The following AIG1 variants were observed in gnomAD, a reference collection of about 807,000 sequenced individuals.
AIG1 encodes the protein androgen induced 1.
In AIG1, 23 loss-of-function variants were observed where a neutral mutation model predicts 31.4. That is an observed-to-expected ratio of 0.73 (90% confidence interval 0.53 to 1.04). The LOEUF (loss-of-function observed/expected upper bound fraction) is 1.04. Ranked by LOEUF, AIG1 falls within the 50% of genes least tolerant of loss-of-function variation. AIG1 has a pLI of 0.00. For missense variants in AIG1, 274 were observed against 295.0 expected (o/e 0.93, Z 0.52); for synonymous variants, 100 against 110.5 (o/e 0.90, Z 0.60).
chr6:143,284,283 G>C lies in AIG1; in HGVS notation c.515+58G>C. 1 of 1,257,734 alleles carries C rather than the reference G, an allele frequency of 8.0e-7. No homozygotes were observed. The highest frequency in any genetic ancestry group is 1.1e-6 in the Non-Finnish European group (1 of 873,052). The allele number at this position is 1,257,734 out of a possible 1,614,324, so 77.9% of individuals were successfully genotyped here. On this transcript the variant is annotated intron_variant, in intron 4 of 5. Coordinates refer to ENST00000357847, the MANE Select transcript of AIG1 (RefSeq NM_016108.4). The surrounding 1 kb of genome is among the most constrained non-coding windows in gnomAD (Gnocchi z 4.4). ...TATTAGATTTTGCACTGCTAAATTT[G>C]GGCACATATTTCATTATGGATATAA...
At chr6:143,290,514 T>C (rs944081589) in intron 4 of AIG1, among the ~76,000 whole-genome samples, 1 of 152,196 alleles carries the variant, frequency 6.6e-6, no homozygotes, top group Non-Finnish European at 1.5e-5. Flanking sequence ...TGAATGCTCC[T>C]GGAAAGTCAT....
Position 143,332,641 on chromosome 6 carries a change from G to A in AIG1, c.516-641G>A, listed in dbSNP as rs545976138. Among the ~76,000 whole-genome samples, 11 of 152,304 alleles carry A rather than the reference G, an allele frequency of 7.2e-5. No individual in the cohort carries two copies. In the South Asian group the frequency reaches 2.3e-3, roughly 32 times the overall value. On this transcript the variant is annotated intron_variant, in intron 4 of 5. Transcript: ENST00000357847. ...TGGAAGGCCATATGGCAAGGTATCT[G>A]GCACAGACTCACCTAGGTCTTATTC...
At chr6:143,064,155 G>A (rs1009684334) in intron 1 of AIG1, among the ~76,000 whole-genome samples, 2 of 152,140 alleles carry the variant, frequency 1.3e-5, no homozygotes, top group African/African-American at 4.8e-5. Context: ...TAGGTTACAT[G>A]GCAAAGGGAA....
At position 143,339,996 on chromosome 6, in the gene AIG1, A is replaced by G. The variant is rs1777789405; in HGVS notation, c.*320A>G. The G allele has an allele frequency of 4.5e-6, 1 of 222,294 alleles. No individual in the cohort carries two copies. Among genetic ancestry groups the G allele is most frequent in the African/African-American group, 2.3e-5 (1 of 43,284 alleles). The allele number at this position is 222,294 out of a possible 1,614,324, so 13.8% of individuals were successfully genotyped here. On this transcript the variant is annotated 3_prime_UTR_variant, in exon 6 of 6. Transcript: ENST00000357847. Reference sequence around the variant, plus strand: ...AATTGTAACTCCATCTAATCAAGAAAGAATAAAAGTTTATTGCACTTCTTT... The same window carrying G: ...AATTGTAACTCCATCTAATCAAGAAGGAATAAAAGTTTATTGCACTTCTTT...
At chr6:143,153,435 C>G (rs997698036) in intron 2 of AIG1, among the ~76,000 whole-genome samples, 2 of 152,180 alleles carry the variant, frequency 1.3e-5, no homozygotes, top group Non-Finnish European at 2.9e-5. Context: ...GCAAGCTCCA[C>G]CTCCCGGGTT....
chr6:143,144,870 C>T (rs1784578977), intron 2 of AIG1, among the ~76,000 whole-genome samples: 1 of 152,210 alleles, frequency 6.6e-6, no homozygotes, highest in Admixed American at 6.5e-5. Flanking sequence ...TCATTTACTG[C>T]TTTATCCCAG....
rs1330740146 is a variant in AIG1 at position 143,285,386 on chromosome 6, G to A, written c.515+1161G>A. Among the ~76,000 whole-genome samples, 6 of 150,800 alleles carry A rather than the reference G, an allele frequency of 4.0e-5. No homozygotes were observed. The East Asian group carries it at 1.2e-3, about 31-fold the overall frequency. On this transcript the variant is annotated intron_variant, in intron 4 of 5. Transcript: ENST00000357847. Reference sequence around the variant, plus strand: ...TGTGGTAAAGCTCCTCCCCAGCTGGGTGCTGTGGCTCACGCTTGTAATCCC... The same window carrying A: ...TGTGGTAAAGCTCCTCCCCAGCTGGATGCTGTGGCTCACGCTTGTAATCCC...
At chr6:143,073,808 C>T (rs894979758) in intron 1 of AIG1, among the ~76,000 whole-genome samples, 11 of 152,150 alleles carry the variant, frequency 7.2e-5, no homozygotes, top group Admixed American at 3.9e-4. Context: ...AAGTGCTAAA[C>T]ACTTGTAAAC....
At chr6:143,099,647 G>T (rs1780077379) in intron 1 of AIG1, 1 of 152,048 alleles carries the variant, frequency 6.6e-6, no homozygotes, top group African/African-American at 2.4e-5. Flanking sequence ...TTGATTAGGG[G>T]CTTCATAAAA....
intron 1 of AIG1, among the ~76,000 whole-genome samples, chr6:143,130,694 G>A (rs1186707402): frequency 1.3e-5 from 2 of 152,238 alleles, no homozygotes; most frequent in East Asian, 3.9e-4. Context: ...ACTCCAGCTT[G>A]GGAGACAGAG....
intron 1 of AIG1, among the ~76,000 whole-genome samples, chr6:143,063,392 A>G (rs1018297966): frequency 2.0e-5 from 3 of 152,216 alleles, no homozygotes; most frequent in African/African-American, 7.2e-5. Context: ...CATAATAATT[A>G]TCTTTAACAA....
At chr6:143,240,545 C>T (rs904399619) in intron 3 of AIG1, among the ~76,000 whole-genome samples, 8 of 152,112 alleles carry the variant, frequency 5.3e-5, no homozygotes, top group Non-Finnish European at 8.8e-5. Flanking sequence ...CATCATAGAC[C>T]GAGCACATCA....
chr6:143,285,588 C>T (rs1435771529), intron 4 of AIG1, among the ~76,000 whole-genome samples: 6 of 151,624 alleles, frequency 4.0e-5, no homozygotes, highest in African/African-American at 1.2e-4. Flanking sequence ...CTCTTGAACC[C>T]GGGAGACAGA....
intron 1 of AIG1, among the ~76,000 whole-genome samples, chr6:143,132,680 C>T (rs1261874104): frequency 6.6e-6 from 1 of 151,786 alleles, no homozygotes; most frequent in Non-Finnish European, 1.5e-5. Flanking sequence ...TTTGGGTCTC[C>T]AATACACATA....
At chr6:143,078,346 GGT>G (rs1777914899) in intron 1 of AIG1, among the ~76,000 whole-genome samples, 1 of 152,042 alleles carries the variant, frequency 6.6e-6, no homozygotes, top group Non-Finnish European at 1.5e-5. Context: ...TTCCACCATT[GGT>G]GTCCTTTTGG....
intron 5 of AIG1, chr6:143,335,121 T>C (rs771887151): frequency 4.2e-6 from 6 of 1,427,830 alleles, no homozygotes; most frequent in Non-Finnish European, 1.8e-6. Flanking sequence ...TTGTGCCAAG[T>C]AAGTATCATC....
At chr6:143,149,592 A>G (rs1291012977) in intron 2 of AIG1, among the ~76,000 whole-genome samples, 1 of 151,858 alleles carries the variant, frequency 6.6e-6, no homozygotes, top group Non-Finnish European at 1.5e-5. Flanking sequence ...ATCTGGATCA[A>G]AAATAACTGC....
chr6:143,080,477 G>A (rs1210235844), intron 1 of AIG1, among the ~76,000 whole-genome samples: 2 of 151,986 alleles, frequency 1.3e-5, no homozygotes, highest in Admixed American at 6.6e-5. Flanking sequence ...TGCAAGTGGG[G>A]TTTCCTTTAG....
rs528184059 is a variant in AIG1, at chr6:143,304,139, G to C, written c.515+19914G>C. On this transcript the variant is annotated intron_variant, in intron 4 of 5. Transcript: ENST00000357847. ...GGAGATTTTGGGCTGAGACAATGGG[G>C]TTTTCTAAATTTACAATCATGTCAT... Among the ~76,000 whole-genome samples, 152 of 152,040 alleles carry C rather than the reference G, an allele frequency of 1.0e-3. 1 individual carries two copies. Among genetic ancestry groups the C allele is most frequent in the African/African-American group, 3.6e-3 (150 of 41,496 alleles).
Sources: allele counts gnomAD v4.1 joint callset (sites outside exome capture counted in the v4.1 genomes callset), GRCh38; gene constraint gnomAD v4.1.1; non-coding constraint Gnocchi (gnomAD v3.1); transcripts MANE v1.5; gene names NCBI Gene and HGNC (gene_info 2026-07-23, HGNC 2026-07-21).